B3GALT1: variants seen among roughly 807,000 people sequenced by gnomAD.
B3GALT1 encodes UDP-Gal:betaGlcNAc beta 1,3-galactosyltransferase, polypeptide 1.
A neutral mutation model predicts 23.2 loss-of-function variants in B3GALT1; 10 were observed. That is an observed-to-expected ratio of 0.43 (90% CI 0.27 to 0.73). The LOEUF (loss-of-function observed/expected upper bound fraction) is 0.73, where lower values mean the gene tolerates loss of function less well. Ranked by LOEUF, B3GALT1 falls within the 30% of genes least tolerant of loss-of-function variation. B3GALT1 has a pLI of 0.21. For missense variants in B3GALT1, 299 were observed against 405.4 expected (o/e 0.74, Z 2.25); for synonymous variants, 156 against 141.5 (o/e 1.10, Z -0.73).
chr2:167,867,218 G>T (rs2615316), intron 4 of B3GALT1, among the ~76,000 whole-genome samples: 2 of 152,240 alleles, frequency 1.3e-5, no homozygotes, highest in Middle Eastern at 3.4e-3. Context: ...GAGCCACCGC[G>T]CCCGGCCGAG....
chr2:167,613,539 G>A (rs1361285948), intron 2 of B3GALT1, among the ~76,000 whole-genome samples: 2 of 151,390 alleles, frequency 1.3e-5, no homozygotes, highest in South Asian at 2.1e-4. Context: ...TGTTTATAAC[G>A]TGAGTTTTGT....
At chr2:167,615,016 T>TAAG (rs1685134783) in intron 2 of B3GALT1, among the ~76,000 whole-genome samples, 1 of 151,974 alleles carries the variant, frequency 6.6e-6, no homozygotes, top group African/African-American at 2.4e-5. Flanking sequence ...ATAAATAATG[T>TAAG]TTTGAAAATG....
intron 1 of B3GALT1, among the ~76,000 whole-genome samples, chr2:167,353,467 G>C (rs1697348990): frequency 6.6e-6 from 1 of 150,520 alleles, no homozygotes; most frequent in Non-Finnish European, 1.5e-5. Context: ...TTTTTCAGAT[G>C]GCCAAATGGC....
At chr2:167,436,210 C>G (rs1698784661) in intron 1 of B3GALT1, among the ~76,000 whole-genome samples, 1 of 152,150 alleles carries the variant, frequency 6.6e-6, no homozygotes, top group Non-Finnish European at 1.5e-5. Flanking sequence ...CAAGTACAAT[C>G]TGGCTCTTGA....
At chr2:167,727,696 G>A (rs1687340535) in intron 3 of B3GALT1, among the ~76,000 whole-genome samples, 1 of 152,058 alleles carries the variant, frequency 6.6e-6, no homozygotes, top group African/African-American at 2.4e-5. Context: ...TCCATCCTAC[G>A]GCAGAATTCC....
chr2:167,363,481 C>A (rs1430671057), intron 1 of B3GALT1, among the ~76,000 whole-genome samples: 1 of 152,108 alleles, frequency 6.6e-6, no homozygotes, highest in Non-Finnish European at 1.5e-5. Context: ...TCAAGCCCCA[C>A]ACTTCACCTG....
intron 1 of B3GALT1, among the ~76,000 whole-genome samples, chr2:167,408,869 GAC>G (rs1223782950): frequency 6.7e-6 from 1 of 148,382 alleles, no homozygotes; most frequent in Admixed American, 6.7e-5. Context: ...AATTGAAGAA[GAC>G]ACACACACAA....
At chr2:167,346,413 A>T (rs1327203661) in intron 1 of B3GALT1, among the ~76,000 whole-genome samples, 1 of 152,166 alleles carries the variant, frequency 6.6e-6, no homozygotes, top group Non-Finnish European at 1.5e-5. Flanking sequence ...CACAACATCA[A>T]GTTTTTCTCC....
At chr2:167,635,332 A>G (rs988746953) in intron 2 of B3GALT1, among the ~76,000 whole-genome samples, 1 of 152,052 alleles carries the variant, frequency 6.6e-6, no homozygotes, top group Non-Finnish European at 1.5e-5. Flanking sequence ...TCAAAACAGT[A>G]TTGGAAGTTC....
chr2:167,824,875 G>T (rs1689182019), intron 4 of B3GALT1, among the ~76,000 whole-genome samples: 1 of 152,146 alleles, frequency 6.6e-6, no homozygotes, highest in South Asian at 2.1e-4. Context: ...ATGCCCTTCA[G>T]ATATCCAAGT....
chr2:167,758,157 GCT>G (rs1484135102), intron 3 of B3GALT1, among the ~76,000 whole-genome samples: 4 of 151,848 alleles, frequency 2.6e-5, no homozygotes, highest in African/African-American at 9.7e-5. Flanking sequence ...TCCTTTCTCA[GCT>G]CTGTCGAATA....
At chr2:167,576,530 T>G (rs1483806410) in intron 2 of B3GALT1, among the ~76,000 whole-genome samples, 1 of 148,196 alleles carries the variant, frequency 6.7e-6, no homozygotes, top group Non-Finnish European at 1.5e-5. Flanking sequence ...GTTTTTTTTT[T>G]TGTTTTTTTT....
intron 4 of B3GALT1, among the ~76,000 whole-genome samples, chr2:167,855,200 A>G (rs189585688): frequency 2.0e-5 from 3 of 152,254 alleles, no homozygotes; most frequent in Admixed American, 2.0e-4. Flanking sequence ...CATTTTCCCT[A>G]CCTCTCACAT....
intron 2 of B3GALT1, among the ~76,000 whole-genome samples, chr2:167,577,210 A>G (rs1418804499): frequency 6.6e-6 from 1 of 151,870 alleles, no homozygotes; most frequent in African/African-American, 2.4e-5. Context: ...CATGTGATGT[A>G]TGATACTTCT....
chr2:167,635,757 C>T (rs759101899), intron 2 of B3GALT1, among the ~76,000 whole-genome samples: 3 of 152,046 alleles, frequency 2.0e-5, no homozygotes, highest in Non-Finnish European at 4.4e-5. Flanking sequence ...ATTGTGAAAA[C>T]GGCCATACTG....
intron 2 of B3GALT1, among the ~76,000 whole-genome samples, chr2:167,642,765 G>A (rs1339067703): frequency 6.6e-6 from 1 of 151,934 alleles, no homozygotes; most frequent in African/African-American, 2.4e-5. Flanking sequence ...GTTGATATCT[G>A]TCTCCCTCTT....
chr2:167,787,158 A>G (rs537934980), intron 3 of B3GALT1, among the ~76,000 whole-genome samples: 14 of 152,254 alleles, frequency 9.2e-5, no homozygotes, highest in African/African-American at 2.9e-4. Flanking sequence ...AAAAACACAG[A>G]CTTTGGAGCC....
rs76969704 is a variant in B3GALT1 at position 167,589,528 on chromosome 2, C to T, written c.-409-57381C>T. ...GAAAAATTTTTGTTGTTTGAAACAA[C>T]TCTGTTTATTCTAATAACATTTGTT... On this transcript the variant is annotated intron_variant, in intron 2 of 4. Transcript: ENST00000392690. Among the ~76,000 whole-genome samples the T allele has an allele frequency of 3.8e-4, 58 of 152,212 alleles. No individual in the cohort carries two copies. The East Asian group carries it at 0.01, about 27-fold the overall frequency.
At chr2:167,610,712 A>G (rs1357251183) in intron 2 of B3GALT1, among the ~76,000 whole-genome samples, 1 of 151,986 alleles carries the variant, frequency 6.6e-6, no homozygotes. Context: ...GAAATCTAGG[A>G]TGAGGAACAG....
Sources: allele counts gnomAD v4.1 joint callset (sites outside exome capture counted in the v4.1 genomes callset), GRCh38; gene constraint gnomAD v4.1.1; transcripts MANE v1.5; gene names NCBI Gene and HGNC (gene_info 2026-07-23, HGNC 2026-07-21).